Variants in GRIK2 observed in about 807,000 individuals in gnomAD.
GRIK2 encodes glutamate receptor ionotropic, kainate 2.
Under a neutral mutation model 100.3 loss-of-function variants are expected in GRIK2, and 32 were observed. That is an observed-to-expected ratio of 0.32 (90% CI 0.24 to 0.43). The LOEUF (loss-of-function observed/expected upper bound fraction) is 0.43, where lower values mean the gene tolerates loss of function less well. GRIK2 is among the 20% of genes least tolerant of loss of function. The pLI is 1.00. For missense variants in GRIK2, 843 were observed against 1,114.9 expected, an observed-to-expected ratio of 0.76 and a Z score of 3.47; for synonymous variants, 417 against 389.4, an observed-to-expected ratio of 1.07 and a Z score of -0.83.
intron 4 of GRIK2, among the ~76,000 whole-genome samples, chr6:101,628,982 A>G (rs1271644585): frequency 2.6e-5 from 4 of 152,110 alleles, no homozygotes; most frequent in African/African-American, 9.6e-5. Flanking sequence ...CTAAATAGAT[A>G]ATGGGATTTG....
At chr6:101,836,492 T>G (rs1392372553) in intron 10 of GRIK2, among the ~76,000 whole-genome samples, 2 of 151,208 alleles carry the variant, frequency 1.3e-5, no homozygotes, top group East Asian at 3.9e-4. Flanking sequence ...GATAATATTT[T>G]GATATATTAG....
Position 101,841,394 on chromosome 6 carries a change from C to T in GRIK2, c.1318-17893C>T, listed in dbSNP as rs150430755. On this transcript the variant is annotated intron_variant, in intron 10 of 16. Coordinates refer to ENST00000369134, the MANE Select transcript of GRIK2 (RefSeq NM_021956.5). Reference sequence around the variant, plus strand: ...ATTTTTTTTTTTTGGTACGGTTTCTCTCTCTGTTGCCCAGGCTAGAGTGCA... The same window carrying T: ...ATTTTTTTTTTTTGGTACGGTTTCTTTCTCTGTTGCCCAGGCTAGAGTGCA... 4.7e-5 allele frequency among the ~76,000 whole-genome samples: 7 copies of T among 149,812 alleles called. No homozygotes were observed. The East Asian group carries it at 1.2e-3, about 26-fold the overall frequency.
chr6:101,851,135 T>C (rs1430359588), intron 10 of GRIK2, among the ~76,000 whole-genome samples: 2 of 152,062 alleles, frequency 1.3e-5, no homozygotes, highest in African/African-American at 4.8e-5. Context: ...ACAAATATTT[T>C]TTTCTAGTGA....
At chr6:101,943,587 C>G (rs1319014409) in intron 14 of GRIK2, among the ~76,000 whole-genome samples, 3 of 152,222 alleles carry the variant, frequency 2.0e-5, no homozygotes, top group Middle Eastern at 3.2e-3. Context: ...CTTGCATCAG[C>G]ATACCCTGTA....
chr6:101,629,098 G>GAC (rs1415946741), intron 4 of GRIK2, among the ~76,000 whole-genome samples: 28 of 151,940 alleles, frequency 1.8e-4, no homozygotes, highest in African/African-American at 6.8e-4. Flanking sequence ...TATAAATAGG[G>GAC]ACATATGTAT....
At chr6:101,973,737 G>A (rs1012789390) in intron 14 of GRIK2, among the ~76,000 whole-genome samples, 5 of 151,870 alleles carry the variant, frequency 3.3e-5, no homozygotes, top group Non-Finnish European at 7.4e-5. Flanking sequence ...CCAATCATCA[G>A]TGTTACTCAA....
chr6:101,655,343 T>TC (rs1269588086), intron 4 of GRIK2, among the ~76,000 whole-genome samples: 1 of 152,156 alleles, frequency 6.6e-6, no homozygotes, highest in African/African-American at 2.4e-5. Context: ...TTAAGGCAGA[T>TC]CATTACCTAG....
At chr6:102,008,856 C>A (rs1041509374) in intron 14 of GRIK2, among the ~76,000 whole-genome samples, 1 of 151,990 alleles carries the variant, frequency 6.6e-6, no homozygotes, top group Non-Finnish European at 1.5e-5. Context: ...AAGGAAAAAA[C>A]TTCAAAATGT....
intron 16 of GRIK2, among the ~76,000 whole-genome samples, chr6:102,066,978 G>A (rs754428476): frequency 8.6e-5 from 13 of 151,626 alleles, no homozygotes; most frequent in Non-Finnish European, 1.3e-4. Context: ...AGATATATCA[G>A]GATATGTTGC....
intron 2 of GRIK2, among the ~76,000 whole-genome samples, chr6:101,540,958 A>G (rs1407723997): frequency 6.6e-6 from 1 of 151,990 alleles, no homozygotes; most frequent in Non-Finnish European, 1.5e-5. Context: ...GCAAGCAAGA[A>G]TAATAGATCT....
At chr6:101,654,441 T>G (rs1781961062) in intron 4 of GRIK2, among the ~76,000 whole-genome samples, 1 of 152,182 alleles carries the variant, frequency 6.6e-6, no homozygotes, top group Admixed American at 6.6e-5. Context: ...AATAGAGCCT[T>G]TCCCAAGGTC....
At chr6:102,065,240 A>G (rs1290829828) in intron 16 of GRIK2, among the ~76,000 whole-genome samples, 1 of 151,314 alleles carries the variant, frequency 6.6e-6, no homozygotes, top group Non-Finnish European at 1.5e-5. Context: ...ATTTGTAAAT[A>G]TAATTTATTT....
At chr6:101,595,160 A>G (rs1452666721) in intron 2 of GRIK2, among the ~76,000 whole-genome samples, 2 of 151,678 alleles carry the variant, frequency 1.3e-5, no homozygotes, top group Non-Finnish European at 2.9e-5. Context: ...CATGAAAACC[A>G]AAAGGAATAA....
chr6:101,937,294 C>G (rs1330548835), intron 14 of GRIK2, among the ~76,000 whole-genome samples: 2 of 152,120 alleles, frequency 1.3e-5, no homozygotes, highest in Non-Finnish European at 2.9e-5. Flanking sequence ...AGGACCATTC[C>G]TGCTGTTTGT....
chr6:101,986,820 A>T (rs1314499045), intron 14 of GRIK2, among the ~76,000 whole-genome samples: 1 of 151,816 alleles, frequency 6.6e-6, no homozygotes, highest in African/African-American at 2.4e-5. Context: ...CATTACAAAG[A>T]TGAAAAACAT....
chr6:101,485,063 A>T (rs1252785174), intron 2 of GRIK2, among the ~76,000 whole-genome samples: 1 of 152,224 alleles, frequency 6.6e-6, no homozygotes, highest in African/African-American at 2.4e-5. Flanking sequence ...AAGTACAATG[A>T]CAACAACCTT....
intron 4 of GRIK2, among the ~76,000 whole-genome samples, chr6:101,627,384 C>T (rs956107007): frequency 1.1e-4 from 16 of 152,108 alleles, no homozygotes; most frequent in Non-Finnish European, 1.6e-4. Flanking sequence ...TTAAAAGATT[C>T]ACCTGCCTTG....
chr6:101,754,041 T>A (rs531778423), intron 7 of GRIK2, among the ~76,000 whole-genome samples: 9 of 152,210 alleles, frequency 5.9e-5, no homozygotes, highest in African/African-American at 2.2e-4. Context: ...TTAATAAAAA[T>A]GGAAGAAAAT....
chr6:101,966,587 A>G (rs1393441722), intron 14 of GRIK2, among the ~76,000 whole-genome samples: 1 of 152,156 alleles, frequency 6.6e-6, no homozygotes, highest in Non-Finnish European at 1.5e-5. Context: ...CCCTGAGCAC[A>G]TAATGCAATC....
Sources: gnomAD v4.1 joint callset for allele counts (sites outside exome capture counted in the v4.1 genomes callset) on GRCh38, gnomAD v4.1.1 for gene constraint, MANE v1.5 for transcripts, NCBI Gene and HGNC (gene_info 2026-07-23, HGNC 2026-07-21) for gene names.